ANKRD55: variants seen among roughly 807,000 people sequenced by gnomAD.
ANKRD55 encodes the protein ankyrin repeat domain 55.
A neutral mutation model predicts 60.6 loss-of-function variants in ANKRD55; 41 were observed. The ratio of observed to expected loss-of-function variants is 0.68; its 90% CI spans 0.53 to 0.88. The LOEUF (loss-of-function observed/expected upper bound fraction) is 0.88. Among genes scored for constraint, ANKRD55 ranks in the 40% least tolerant of loss-of-function variants. The pLI, the probability that ANKRD55 is intolerant of heterozygous loss-of-function variation, is 0.00. For synonymous variants in ANKRD55, 264 were observed against 290.3 expected, an observed-to-expected ratio of 0.91 and a Z score of 0.92; for missense variants, 732 against 767.6, an observed-to-expected ratio of 0.95 and a Z score of 0.55.
intron 2 of ANKRD55, among the ~76,000 whole-genome samples, chr5:56,186,923 G>T (rs1758987217): frequency 2.0e-5 from 3 of 152,180 alleles, no homozygotes. Context: ...GGGCTGAGGA[G>T]CTCTGTGTTT....
chr5:56,119,858 C>A (rs1032562569), intron 8 of ANKRD55, among the ~76,000 whole-genome samples: 3 of 151,964 alleles, frequency 2.0e-5, no homozygotes, highest in Non-Finnish European at 4.4e-5. Flanking sequence ...GTTGAGGCTT[C>A]AGTGAGCCGA....
At chr5:56,120,327 C>G (rs1757006220) in intron 8 of ANKRD55, among the ~76,000 whole-genome samples, 2 of 152,078 alleles carry the variant, frequency 1.3e-5, no homozygotes, top group Admixed American at 6.6e-5. Flanking sequence ...GCACCAAGCC[C>G]TCTTAACACC....
At chr5:56,118,489 C>A (rs1756942944) in intron 8 of ANKRD55, among the ~76,000 whole-genome samples, 1 of 151,902 alleles carries the variant, frequency 6.6e-6, no homozygotes, top group Non-Finnish European at 1.5e-5. Context: ...ACCAGGCATG[C>A]TGGCGGGCCC....
intron 2 of ANKRD55, among the ~76,000 whole-genome samples, chr5:56,209,813 C>G (rs1175578780): frequency 6.6e-6 from 1 of 152,148 alleles, no homozygotes; most frequent in Non-Finnish European, 1.5e-5. Flanking sequence ...TGGACACATT[C>G]CTAGAAAGGA....
At chr5:56,196,176 CT>C (rs1208194351) in intron 2 of ANKRD55, among the ~76,000 whole-genome samples, 1 of 152,278 alleles carries the variant, frequency 6.6e-6, no homozygotes, top group East Asian at 1.9e-4. Context: ...ATTTTCTCAT[CT>C]GTAAATTAGG....
At chr5:56,102,397 A>T (rs903560608) in intron 11 of ANKRD55, 97 bp downstream of exon 11, 2 of 982,572 alleles carry the variant, frequency 2.0e-6, no homozygotes, top group African/African-American at 3.4e-5. Flanking sequence ...TCTCAAAAAA[A>T]AAAAAAGAAA....
At chr5:56,128,091 T>C (rs926398589) in intron 7 of ANKRD55, among the ~76,000 whole-genome samples, 3 of 152,004 alleles carry the variant, frequency 2.0e-5, no homozygotes, top group African/African-American at 7.3e-5. Flanking sequence ...ATCGAAGGAG[T>C]CTGAAATACA....
intron 7 of ANKRD55, among the ~76,000 whole-genome samples, chr5:56,136,138 G>T (rs547948851): frequency 6.6e-6 from 1 of 152,310 alleles, no homozygotes; most frequent in South Asian, 2.1e-4. Context: ...AATGGATATT[G>T]CATGTTCATG....
At chr5:56,164,857 T>C (rs1393591112) in intron 5 of ANKRD55, among the ~76,000 whole-genome samples, 1 of 152,196 alleles carries the variant, frequency 6.6e-6, no homozygotes, top group African/African-American at 2.4e-5. Flanking sequence ...GTAAACCCAG[T>C]GTGCCTTCAC....
At chr5:56,134,808 A>G (rs1020044690) in intron 7 of ANKRD55, among the ~76,000 whole-genome samples, 1 of 152,194 alleles carries the variant, frequency 6.6e-6, no homozygotes, top group African/African-American at 2.4e-5. Flanking sequence ...TAAGAAAACT[A>G]TAGACCAATA....
chr5:56,186,967 T>C (rs1414956878), intron 2 of ANKRD55, among the ~76,000 whole-genome samples: 2 of 152,196 alleles, frequency 1.3e-5, no homozygotes, highest in African/African-American at 4.8e-5. Context: ...AATGTGCCTA[T>C]ATAACAGACA....
Position 56,100,153 on chromosome 5 carries a change from A to G in ANKRD55, c.*30T>C, listed in dbSNP as rs1756226117. ...CTTTGAGAGTTGAAAATACATATTC[A>G]TCTACATTTCTGCAGCGAGTGGCCC... On this transcript the variant is annotated 3_prime_UTR_variant, in exon 12 of 12. Transcript: ENST00000341048. 1 of 1,614,010 alleles carries G rather than the reference A, an allele frequency of 6.2e-7. No individual in the cohort carries two copies. The highest frequency in any genetic ancestry group is 8.5e-7 in the Non-Finnish European group (1 of 1,179,948).
chr5:56,186,241 C>T (rs1401497718), intron 2 of ANKRD55, among the ~76,000 whole-genome samples: 1 of 152,190 alleles, frequency 6.6e-6, no homozygotes, highest in Non-Finnish European at 1.5e-5. Flanking sequence ...GATCTTGGCT[C>T]ACTGCAGCCT....
chr5:56,208,404 T>TA (rs1194677905), intron 2 of ANKRD55, among the ~76,000 whole-genome samples: 2 of 146,916 alleles, frequency 1.4e-5, no homozygotes, highest in African/African-American at 5.3e-5. Flanking sequence ...ATGTGTTTTT[T>TA]TAAAAAAAAT....
At chr5:56,106,250 G>A (rs1475037930) in intron 10 of ANKRD55, among the ~76,000 whole-genome samples, 1 of 152,072 alleles carries the variant, frequency 6.6e-6, no homozygotes, top group Non-Finnish European at 1.5e-5. Context: ...GCTATAGTGG[G>A]ATGATTTATC....
At chr5:56,211,363 C>G (rs1030091372) in intron 2 of ANKRD55, among the ~76,000 whole-genome samples, 2 of 152,150 alleles carry the variant, frequency 1.3e-5, no homozygotes, top group African/African-American at 4.8e-5. Flanking sequence ...ACTGTATGCC[C>G]AGCACTGTGT....
intron 2 of ANKRD55, among the ~76,000 whole-genome samples, chr5:56,194,978 T>C (rs1759196327): frequency 6.6e-6 from 1 of 152,192 alleles, no homozygotes; most frequent in Non-Finnish European, 1.5e-5. Context: ...ATTTTTAGGA[T>C]CTAAGGTGGC....
chr5:56,139,300 C>G (rs1479707103), intron 7 of ANKRD55, among the ~76,000 whole-genome samples: 3 of 152,076 alleles, frequency 2.0e-5, no homozygotes, highest in Non-Finnish European at 4.4e-5. Context: ...ACCTACGGTT[C>G]ACAAAGCTCT....
At chr5:56,137,863 A>G (rs1580972311) in intron 7 of ANKRD55, among the ~76,000 whole-genome samples, 1 of 152,356 alleles carries the variant, frequency 6.6e-6, no homozygotes, top group Admixed American at 6.5e-5. Flanking sequence ...AATGGGCAGA[A>G]GATCTTTATA....
Sources: allele counts gnomAD v4.1 joint callset (sites outside exome capture counted in the v4.1 genomes callset), GRCh38; gene constraint gnomAD v4.1.1; transcripts MANE v1.5; gene names NCBI Gene and HGNC (gene_info 2026-07-23, HGNC 2026-07-21).